The following FRMD6 variants were observed in gnomAD, a reference collection of about 807,000 sequenced individuals.
FRMD6 encodes the protein FERM domain-containing protein 6.
FRMD6 carries 37 observed loss-of-function variants against 73.2 expected under a neutral mutation model. The ratio of observed to expected loss-of-function variants is 0.51; its 90% CI spans 0.39 to 0.66. The LOEUF is 0.66. Ranked by LOEUF, FRMD6 falls within the 30% of genes least tolerant of loss-of-function variation. The pLI is 0.00. For missense variants in FRMD6, 714 were observed against 780.5 expected (o/e 0.91, Z 1.02); for synonymous variants, 273 against 282.2 (o/e 0.97, Z 0.33).
intron 2 of FRMD6, among the ~76,000 whole-genome samples, chr14:51,621,094 C>T (rs1890909014): frequency 6.6e-6 from 1 of 152,136 alleles, no homozygotes; most frequent in South Asian, 2.1e-4. Flanking sequence ...TTTAACCACG[C>T]CACTGTTTAT....
At chr14:51,573,138 G>A (rs1888220933) in intron 2 of FRMD6, among the ~76,000 whole-genome samples, 1 of 152,166 alleles carries the variant, frequency 6.6e-6, no homozygotes, top group African/African-American at 2.4e-5. Flanking sequence ...AGCTGCCCTT[G>A]ATAGTCCTGT....
At chr14:51,704,591 G>C in intron 5 of FRMD6, 158 bp from the exon 6 acceptor site, 1 of 597,312 alleles carries the variant, frequency 1.7e-6, no homozygotes, top group South Asian at 2.4e-5. Flanking sequence ...GCAGCTATCA[G>C]ATATTAGCTA....
chr14:51,476,252 G>A, the FRMD6 span, among the ~76,000 whole-genome samples: 201 of 152,284 alleles, frequency 1.3e-3, no homozygotes, highest in African/African-American at 4.6e-3. Flanking sequence ...CCGTAACAGG[G>A]AGAGAGATAA....
chr14:51,699,002 G>T (rs1896122755), intron 3 of FRMD6, among the ~76,000 whole-genome samples: 2 of 152,100 alleles, frequency 1.3e-5, no homozygotes, highest in South Asian at 4.1e-4. Flanking sequence ...CTTGAATATG[G>T]TTTATTTTCT....
At chr14:51,443,687 T>A in the FRMD6 span, among the ~76,000 whole-genome samples, 1 of 152,204 alleles carries the variant, frequency 6.6e-6, no homozygotes, top group Non-Finnish European at 1.5e-5. Flanking sequence ...TCTGCCTTGC[T>A]GCAGCCTCCA....
Position 51,730,649 on chromosome 14 carries a change from T to G in FRMD6, c.*2620T>G, listed in dbSNP as rs1291895396. Reference sequence around the variant, plus strand: ...TACCAAAAGTATGTAAAAAGAAACCTGCATTATTTTGTAATTATTTCTTAT... The same window carrying G: ...TACCAAAAGTATGTAAAAAGAAACCGGCATTATTTTGTAATTATTTCTTAT... On this transcript the variant is annotated 3_prime_UTR_variant, in exon 14 of 14. Transcript: ENST00000344768. 6.6e-6 allele frequency: 1 copy of G among 152,422 alleles called. No individual in the cohort carries two copies. Among genetic ancestry groups the G allele is most frequent in the Non-Finnish European group, 1.5e-5 (1 of 68,030 alleles). The allele number at this position is 152,422 out of a possible 1,614,324, so 9.4% of individuals were successfully genotyped here.
chr14:51,631,531 T>C (rs1207648629), intron 2 of FRMD6, among the ~76,000 whole-genome samples: 1 of 152,190 alleles, frequency 6.6e-6, no homozygotes, highest in Admixed American at 6.5e-5. Flanking sequence ...TGTTCATGCT[T>C]AGGTAGAGAA....
intron 2 of FRMD6, among the ~76,000 whole-genome samples, chr14:51,605,436 GGA>G (rs1890218074): frequency 6.6e-6 from 1 of 152,062 alleles, no homozygotes; most frequent in Non-Finnish European, 1.5e-5. Context: ...GGTTTGAAGA[GGA>G]TGGGTTTGAA....
intron 2 of FRMD6, among the ~76,000 whole-genome samples, chr14:51,573,196 G>T (rs1467058378): frequency 6.6e-6 from 1 of 152,192 alleles, no homozygotes; most frequent in Non-Finnish European, 1.5e-5. Flanking sequence ...GGGGGGTTAT[G>T]CATCACTTAA....
At chr14:51,644,790 A>C (rs987073131) in intron 2 of FRMD6, among the ~76,000 whole-genome samples, 1 of 152,234 alleles carries the variant, frequency 6.6e-6, no homozygotes. Context: ...TCTGCTCAAG[A>C]AATCACATGG....
chr14:51,510,869 T>A (rs1397173370), intron 1 of FRMD6, among the ~76,000 whole-genome samples: 3 of 152,202 alleles, frequency 2.0e-5, no homozygotes, highest in Non-Finnish European at 4.4e-5. Context: ...TCCACTTAAT[T>A]GTTTCTTTCT....
intron 1 of FRMD6, among the ~76,000 whole-genome samples, chr14:51,655,929 T>G (rs1383800756): frequency 6.6e-6 from 1 of 152,216 alleles, no homozygotes; most frequent in Non-Finnish European, 1.5e-5. Flanking sequence ...ACTTCCCATT[T>G]CAAAGACTGG....
At chr14:51,650,830 G>A (rs1435938818), upstream of FRMD6, 2 of 152,314 alleles carry the variant, frequency 1.3e-5, no homozygotes, top group Non-Finnish European at 2.9e-5. Context: ...AGGGCTCAGT[G>A]AGGGCGTTTT....
chr14:51,652,129 C>G (rs79346288), intron 1 of FRMD6, 133 bp downstream of exon 1: 36,293 of 152,192 alleles, frequency 0.24, 4,750 homozygotes, highest in East Asian at 0.29. Flanking sequence ...TTCTGGAAGT[C>G]GCGAGTCCCA....
At chr14:51,497,080 G>A (rs1267322823) in intron 1 of FRMD6, among the ~76,000 whole-genome samples, 1 of 152,188 alleles carries the variant, frequency 6.6e-6, no homozygotes, top group Admixed American at 6.5e-5. Flanking sequence ...GGTAATGGAG[G>A]CAATAGCAGT....
the FRMD6 span, among the ~76,000 whole-genome samples, chr14:51,442,920 A>T: frequency 6.6e-6 from 1 of 152,232 alleles, no homozygotes; most frequent in African/African-American, 2.4e-5. Flanking sequence ...GAAACCATGG[A>T]GTGCAAAATA....
At chr14:51,617,989 C>T (rs1012450195) in intron 2 of FRMD6, among the ~76,000 whole-genome samples, 1 of 151,980 alleles carries the variant, frequency 6.6e-6, no homozygotes, top group African/African-American at 2.4e-5. Context: ...TGCACGGAGC[C>T]AGAACATATG....
At chr14:51,597,926 G>C (rs968142981) in intron 2 of FRMD6, among the ~76,000 whole-genome samples, 1 of 152,128 alleles carries the variant, frequency 6.6e-6, no homozygotes, top group African/African-American at 2.4e-5. Flanking sequence ...AGAGACTGAG[G>C]CCTGGAAACA....
chr14:51,618,237 C>CTGG (rs1206027718), intron 2 of FRMD6, among the ~76,000 whole-genome samples: 1 of 152,050 alleles, frequency 6.6e-6, no homozygotes, highest in African/African-American at 2.4e-5. Flanking sequence ...TGAAAAGAAA[C>CTGG]TGGTCAGGGT....
Sources: gnomAD v4.1 joint callset for allele counts (sites outside exome capture counted in the v4.1 genomes callset) on GRCh38, gnomAD v4.1.1 for gene constraint, MANE v1.5 for transcripts, NCBI Gene and HGNC (gene_info 2026-07-23, HGNC 2026-07-21) for gene names.